OR7A10: variants seen among roughly 807,000 people sequenced by gnomAD.
OR7A10 encodes the protein olfactory receptor family 7 subfamily A member 10, also known as olfactory receptor 7A10.
For missense variants in OR7A10, 358 were observed against 370.1 expected (o/e 0.97, Z 0.27); for synonymous variants, 144 against 144.5 (o/e 1.00, Z 0.02).
intron 1 of OR7A10, among the ~76,000 whole-genome samples, chr19:14,844,179 A>G (rs1236396127): frequency 1.3e-5 from 2 of 152,232 alleles, no homozygotes; most frequent in African/African-American, 2.4e-5. Context: ...TAGATCCTAT[A>G]CTATGTCAGA....
chr19:14,846,727 G>GAAAAAAAAAAAAAAAAAAAA (rs1242384296), intron 1 of OR7A10, among the ~76,000 whole-genome samples: 2 of 75,090 alleles, frequency 2.7e-5, no homozygotes, highest in African/African-American at 4.8e-5. Flanking sequence ...AAAAAAAAAG[G>GAAAAAAAAAAAAAAAAAAAA]AAAAGGAAGT....
chr19:14,846,299 A>G, intron 1 of OR7A10, among the ~76,000 whole-genome samples: 1 of 152,210 alleles, frequency 6.6e-6, no homozygotes, highest in East Asian at 1.9e-4. Flanking sequence ...GTGTTGTATG[A>G]ATACAAAAGT....
rs779981905 is a variant in OR7A10 at position 14,841,833 on chromosome 19, CAGG to C, written c.42_44del (p.Leu15del). The C allele has an allele frequency of 6.2e-7, 1 of 1,613,322 alleles. No homozygotes were observed. Among genetic ancestry groups the C allele is most frequent in the Non-Finnish European group, 8.5e-7 (1 of 1,179,690 alleles). On this transcript the variant is annotated inframe_deletion, in exon 2 of 2. Transcript: ENST00000641129. Reference sequence around the variant, plus strand: ...GCAATTCTGGTTCCTCTGAAATTCCCAGGAGAAGAAATTCTAAAATTATTGTAT... The same window carrying C: ...GCAATTCTGGTTCCTCTGAAATTCCCAGAAGAAATTCTAAAATTATTGTAT...
chr19:14,841,032 G>A lies in OR7A10; in HGVS notation c.846C>T (p.Thr282=). ...TGTAGATGAAGGGGTTCAGCATGGG[G>A]GTGACCACAGTGTACATCACTGAGG... ...AAASVMYTVV[T]PMLNPFIYSL... Residue 282 remains threonine (T), a synonymous_variant, in exon 2 of 2, where the codon ACC becomes ACT. Coordinates refer to ENST00000641129, the MANE Select transcript of OR7A10 (RefSeq NM_001005190.2). The A allele has an allele frequency of 1.2e-6, 2 of 1,614,070 alleles. No homozygotes were observed. Among genetic ancestry groups the A allele is most frequent in the Non-Finnish European group, 1.7e-6 (2 of 1,179,996 alleles).
At chr19:14,841,955 A>G in intron 1 of OR7A10, 66 bp from the exon 2 acceptor site, 1 of 920,644 alleles carries the variant, frequency 1.1e-6, no homozygotes, top group Non-Finnish European at 1.7e-6. Context: ...GCATTCCAAA[A>G]CTATCAGAAA....
At chr19:14,845,078 C>CACAA (rs1386984236) in intron 1 of OR7A10, among the ~76,000 whole-genome samples, 1 of 151,074 alleles carries the variant, frequency 6.6e-6, no homozygotes, top group Non-Finnish European at 1.5e-5. Flanking sequence ...CAAACACACA[C>CACAA]ACACACACAC....
At chr19:14,846,289 G>GTGTTGTATGA (rs1314998908) in intron 1 of OR7A10, among the ~76,000 whole-genome samples, 3 of 152,138 alleles carry the variant, frequency 2.0e-5, no homozygotes, top group African/African-American at 7.2e-5. Context: ...GTTTGTATAA[G>GTGTTGTATGA]TGTTGTATGA....
At chr19:14,844,916 G>A (rs990410737) in intron 1 of OR7A10, among the ~76,000 whole-genome samples, 1 of 151,578 alleles carries the variant, frequency 6.6e-6, no homozygotes. Flanking sequence ...GCCCACCTCG[G>A]CCTCCCAAAG....
At chr19:14,847,125 T>G (rs1407316774) in intron 1 of OR7A10, among the ~76,000 whole-genome samples, 2 of 152,112 alleles carry the variant, frequency 1.3e-5, no homozygotes, top group Non-Finnish European at 2.9e-5. Context: ...ATAAAAGAAC[T>G]AAATGACAAA....
chr19:14,843,635 A>G (rs1443177053), intron 1 of OR7A10, among the ~76,000 whole-genome samples: 2 of 152,172 alleles, frequency 1.3e-5, no homozygotes, highest in Non-Finnish European at 2.9e-5. Context: ...CCATCTCTGA[A>G]TTCCTTCCCA....
At position 14,844,664 on chromosome 19, in the gene OR7A10, G is replaced by GTTTTTTTT. The variant is rs1348866444; in HGVS notation, c.-12-2783_-12-2776dup. 5.6e-4 allele frequency among the ~76,000 whole-genome samples: 55 copies of GTTTTTTTT among 97,654 alleles called. 6 individuals are homozygous for GTTTTTTTT. Among genetic ancestry groups the GTTTTTTTT allele is most frequent in the South Asian group, 1.2e-3 (3 of 2,492 alleles). 64.1% of individuals were successfully genotyped at this position (97,654 alleles called of 152,430 possible). A position where few individuals can be genotyped will look rare whatever the true frequency, so the allele number is the denominator to read the frequency against. ...TTTTCACTGTTGCCTTGAGTTCTGT[G>GTTTTTTTT]TTTTTTTTTTTTTTTTGAGATGGAG... On this transcript the variant is annotated intron_variant, in intron 1 of 1. Transcript: ENST00000641129.
chr19:14,840,873 T>C lies in OR7A10; in HGVS notation c.*75A>G. 9.3e-7 allele frequency: 1 copy of C among 1,075,848 alleles called. No individual in the cohort carries two copies. The highest frequency in any genetic ancestry group is 1.6e-5 in the South Asian group (1 of 63,742). 66.6% of individuals were successfully genotyped at this position (1,075,848 alleles called of 1,614,324 possible). ...GGGGCAAGTCTTCCTTCCACCATCTTATTAACAAATCACCATTTCTGGCTC... is the reference window on the plus strand; with the variant it reads ...GGGGCAAGTCTTCCTTCCACCATCTCATTAACAAATCACCATTTCTGGCTC... On this transcript the variant is annotated 3_prime_UTR_variant, in exon 2 of 2. Coordinates refer to ENST00000641129, the MANE Select transcript of OR7A10 (RefSeq NM_001005190.2).
chr19:14,842,503 A>C (rs777667382), intron 1 of OR7A10, among the ~76,000 whole-genome samples: 1 of 152,190 alleles, frequency 6.6e-6, no homozygotes, highest in Non-Finnish European at 1.5e-5. Context: ...CGCCTGCCTC[A>C]GCCTCCCAAA....
At chr19:14,843,856 G>A (rs1334293035) in intron 1 of OR7A10, among the ~76,000 whole-genome samples, 3 of 152,082 alleles carry the variant, frequency 2.0e-5, no homozygotes, top group Non-Finnish European at 4.4e-5. Flanking sequence ...AGTGGGAGTC[G>A]AACAATGAGA....
At chr19:14,847,574 G>A (rs528952479) in intron 1 of OR7A10, among the ~76,000 whole-genome samples, 63 of 152,052 alleles carry the variant, frequency 4.1e-4, no homozygotes, top group African/African-American at 1.4e-3. Context: ...GCAGTGGCGC[G>A]ATCTCGGCTC....
At chr19:14,845,082 C>A (rs1158865725) in intron 1 of OR7A10, among the ~76,000 whole-genome samples, 3 of 151,324 alleles carry the variant, frequency 2.0e-5, no homozygotes, top group African/African-American at 7.3e-5. Flanking sequence ...CACACACACA[C>A]ACACACACAC....
Position 14,841,488 on chromosome 19 carries a change from C to A in OR7A10, c.390G>T (p.Leu130=). ...YDRFVAICHP[L]HYMVIMNPQL... ...GAGGGTTCATAATGACCATGTAGTG[C>A]AGAGGGTGACAGATGGCCACAAACC... The change falls in exon 2 of 2, where the codon CTG becomes CTT. Residue 130 remains leucine (L), a synonymous_variant. Coordinates refer to ENST00000641129, the MANE Select transcript of OR7A10 (RefSeq NM_001005190.2). 6.2e-7 allele frequency: 1 copy of A among 1,614,154 alleles called. No individual in the cohort carries two copies.
rs867320027 is a variant in OR7A10, at chr19:14,844,586, T to C, written c.-12-2697A>G. The stretch of plus-strand genomic sequence containing the variant: ...TCCTGATGTTGTTGCATTTGCACTT[T>C]GGTAATTTGGTTGCAAAGGTGTCCC... On this transcript the variant is annotated intron_variant, in intron 1 of 1. Coordinates refer to ENST00000641129, the MANE Select transcript of OR7A10 (RefSeq NM_001005190.2). Among the ~76,000 whole-genome samples, 5 of 151,978 alleles carry C rather than the reference T, an allele frequency of 3.3e-5. No individual in the cohort carries two copies. The East Asian group carries it at 9.6e-4, about 29-fold the overall frequency.
intron 1 of OR7A10, among the ~76,000 whole-genome samples, chr19:14,846,809 G>C (rs1245830640): frequency 6.6e-6 from 1 of 150,934 alleles, no homozygotes; most frequent in East Asian, 2.0e-4. Flanking sequence ...AGATATAAAT[G>C]TGACACAACT....
Sources: allele counts gnomAD v4.1 joint callset (sites outside exome capture counted in the v4.1 genomes callset), GRCh38; gene constraint gnomAD v4.1.1; transcripts MANE v1.5; gene names NCBI Gene and HGNC (gene_info 2026-07-23, HGNC 2026-07-21).